The following MRPS31 variants were observed in gnomAD, a reference collection of about 807,000 sequenced individuals.
MRPS31 encodes the protein mitochondrial ribosomal protein S31.
MRPS31 carries 32 observed loss-of-function variants against 43.1 expected under a neutral mutation model. The observed-to-expected ratio is 0.74, with a 90% confidence interval of 0.56 to 1.00. MRPS31 has a LOEUF of 1.00. Among genes scored for constraint, MRPS31 ranks in the 50% least tolerant of loss-of-function variants. The pLI, the probability that MRPS31 is intolerant of heterozygous loss-of-function variation, is 0.00. For missense variants in MRPS31, 437 were observed against 466.7 expected (o/e 0.94, Z 0.59); for synonymous variants, 165 against 161.6 (o/e 1.02, Z -0.16).
rs1880986209 is a variant in MRPS31, at chr13:40,770,847, G to A, written c.152+138C>T. On this transcript the variant is annotated intron_variant, in intron 1 of 6. Coordinates refer to ENST00000323563, the MANE Select transcript of MRPS31 (RefSeq NM_005830.4). ...GTTTTCACGCACACTATGACCTTGG[G>A]CAAGTCATCTTTTCTTTCTGGGATT... The A allele has an allele frequency of 6.9e-6, 8 of 1,157,772 alleles. No individual in the cohort carries two copies. The South Asian group carries it at 8.2e-5, about 12-fold the overall frequency. 71.7% of individuals were successfully genotyped at this position (1,157,772 alleles called of 1,614,324 possible). A position where few individuals can be genotyped will look rare whatever the true frequency, so the allele number is the denominator to read the frequency against.
At chr13:40,746,016 A>G (rs537233115) in intron 6 of MRPS31, among the ~76,000 whole-genome samples, 10 of 152,336 alleles carry the variant, frequency 6.6e-5, no homozygotes, top group Admixed American at 2.6e-4. Flanking sequence ...AGCTATTCTC[A>G]ATTGGAAAAA....
At chr13:40,762,360 A>C (rs73459590) in intron 2 of MRPS31, among the ~76,000 whole-genome samples, 6,851 of 152,252 alleles carry the variant, frequency 0.045, 316 homozygotes, top group East Asian at 0.14. Context: ...ACATGGCTTT[A>C]TCCCTAATTT....
At chr13:40,731,697 C>T (rs1879705957) in intron 6 of MRPS31, among the ~76,000 whole-genome samples, 1 of 152,026 alleles carries the variant, frequency 6.6e-6, no homozygotes, top group Non-Finnish European at 1.5e-5. Context: ...AAGACAGAGA[C>T]TGGCACAGTG....
At chr13:40,748,271 C>T (rs1566107559) in intron 6 of MRPS31, among the ~76,000 whole-genome samples, 1 of 152,178 alleles carries the variant, frequency 6.6e-6, no homozygotes, top group Non-Finnish European at 1.5e-5. Flanking sequence ...GATTCTCCTG[C>T]CTCAACCTCC....
At chr13:40,747,225 T>A (rs1027051898) in intron 6 of MRPS31, among the ~76,000 whole-genome samples, 2 of 152,102 alleles carry the variant, frequency 1.3e-5, no homozygotes, top group African/African-American at 4.8e-5. Context: ...ATTACAGGCA[T>A]GAGCCACTGT....
chr13:40,769,373 C>CAT (rs201190639), intron 1 of MRPS31, among the ~76,000 whole-genome samples: 781 of 65,418 alleles, frequency 0.012, 28 homozygotes, highest in Middle Eastern at 0.023. Flanking sequence ...AGACTCTGTC[C>CAT]ATATATATAT....
chr13:40,761,367 T>C lies in MRPS31; in HGVS notation c.441-2261A>G, dbSNP rs188929437. On this transcript the variant is annotated intron_variant, in intron 2 of 6. Coordinates refer to ENST00000323563, the MANE Select transcript of MRPS31 (RefSeq NM_005830.4). ...AAGCTTTAACCTTGTTCCAAAGTCATTGTATTTCTTTCATAAACTACTTGT... is the reference window on the plus strand; with the variant it reads ...AAGCTTTAACCTTGTTCCAAAGTCACTGTATTTCTTTCATAAACTACTTGT... Among the ~76,000 whole-genome samples the C allele has an allele frequency of 7.5e-4, 115 of 152,356 alleles. 1 individual carries two copies. The East Asian group carries it at 0.019, about 26-fold the overall frequency.
intron 2 of MRPS31, among the ~76,000 whole-genome samples, chr13:40,760,684 CTTCAAAGTCCTGGG>C (rs1469916403): frequency 7.0e-6 from 1 of 143,090 alleles, no homozygotes; most frequent in African/African-American, 2.6e-5. Context: ...TCAAGTCTGG[CTTCAAAGTCCTGGG>C]TTCAAGCAAT....
chr13:40,755,918 A>G lies in MRPS31; in HGVS notation c.740+955T>C, dbSNP rs574124097. On this transcript the variant is annotated intron_variant, in intron 4 of 6. Coordinates refer to ENST00000323563, the MANE Select transcript of MRPS31 (RefSeq NM_005830.4). The stretch of plus-strand genomic sequence containing the variant: ...TAACTGATTCAGTTAAATATTCTTA[A>G]GTAAAACTCCAAGTACACCTTCTCC... Among the ~76,000 whole-genome samples the G allele has an allele frequency of 5.3e-5, 8 of 152,356 alleles. No individual in the cohort carries two copies. In the South Asian group the frequency reaches 1.7e-3, roughly 32 times the overall value.
At chr13:40,738,077 T>C (rs1031108869) in intron 6 of MRPS31, among the ~76,000 whole-genome samples, 7 of 151,790 alleles carry the variant, frequency 4.6e-5, no homozygotes, top group African/African-American at 1.7e-4. Context: ...AAGAATCAAA[T>C]AGATGCAATA....
chr13:40,752,347 C>A (rs1318714899), intron 5 of MRPS31: 5 of 152,148 alleles, frequency 3.3e-5, no homozygotes, highest in Non-Finnish European at 5.9e-5. Context: ...CTGATGCACG[C>A]TTAACCATTT....
chr13:40,764,086 C>G (rs888060627), intron 2 of MRPS31, among the ~76,000 whole-genome samples: 1 of 152,046 alleles, frequency 6.6e-6, no homozygotes, highest in Non-Finnish European at 1.5e-5. Flanking sequence ...TGGGGCAGCA[C>G]AGGAAAATAC....
intron 2 of MRPS31, among the ~76,000 whole-genome samples, chr13:40,760,003 C>T (rs1340231422): frequency 2.0e-5 from 3 of 151,896 alleles, no homozygotes; most frequent in African/African-American, 4.8e-5. Context: ...GGCATGGCAG[C>T]ACATGCTTGT....
At chr13:40,760,723 C>T (rs1402685028) in intron 2 of MRPS31, among the ~76,000 whole-genome samples, 2 of 150,930 alleles carry the variant, frequency 1.3e-5, no homozygotes, top group Non-Finnish European at 2.9e-5. Flanking sequence ...CCATTTCATC[C>T]TCCTGAGTAG....
intron 2 of MRPS31, among the ~76,000 whole-genome samples, chr13:40,763,623 C>G (rs867930217): frequency 1.3e-5 from 2 of 152,152 alleles, no homozygotes; most frequent in Non-Finnish European, 2.9e-5. Flanking sequence ...ATTATACTTT[C>G]AGAAAATAGT....
intron 2 of MRPS31, among the ~76,000 whole-genome samples, chr13:40,763,083 G>A (rs544025547): frequency 6.6e-6 from 1 of 152,192 alleles, no homozygotes; most frequent in African/African-American, 2.4e-5. Flanking sequence ...CCTTCCAAAT[G>A]AATCAGGTTA....
intron 6 of MRPS31, among the ~76,000 whole-genome samples, chr13:40,738,190 G>A (rs1219952266): frequency 6.6e-6 from 1 of 151,210 alleles, no homozygotes; most frequent in East Asian, 1.9e-4. Flanking sequence ...AAATCTAGAA[G>A]AAATGGATAA....
chr13:40,736,610 G>A (rs1381634796), intron 6 of MRPS31, among the ~76,000 whole-genome samples: 1 of 151,096 alleles, frequency 6.6e-6, no homozygotes, highest in Non-Finnish European at 1.5e-5. Flanking sequence ...AGCCAGAAGA[G>A]AGTGGGGACC....
At chr13:40,747,293 C>T (rs1460545613) in intron 6 of MRPS31, among the ~76,000 whole-genome samples, 3 of 151,836 alleles carry the variant, frequency 2.0e-5, no homozygotes, top group Admixed American at 1.3e-4. Context: ...TTTGGAACAC[C>T]CAAGTTTCTT....
Sources: gnomAD v4.1 joint callset for allele counts (sites outside exome capture counted in the v4.1 genomes callset) on GRCh38, gnomAD v4.1.1 for gene constraint, MANE v1.5 for transcripts, NCBI Gene and HGNC (gene_info 2026-07-23, HGNC 2026-07-21) for gene names.